The following ZFHX2 variants were observed in gnomAD, a reference collection of about 807,000 sequenced individuals.
ZFHX2 encodes the protein zinc finger homeobox 2.
In ZFHX2, 75 loss-of-function variants were observed where a neutral mutation model predicts 164.8. The ratio of observed to expected loss-of-function variants is 0.46; its 90% CI spans 0.38 to 0.55. The LOEUF is 0.55. Ranked by LOEUF, ZFHX2 falls within the 20% of genes least tolerant of loss-of-function variation. The pLI is 0.00. For missense variants in ZFHX2, 2,933 were observed against 3,308.0 expected (o/e 0.89, Z 2.78); for synonymous variants, 1,217 against 1,351.4 (o/e 0.90, Z 2.18).
At position 23,533,102 on chromosome 14, in the gene ZFHX2, A is replaced by T. The variant is rs990135834; in HGVS notation, c.2042-18T>A. ...TCCAGGGGCTAGAGGACAGAGACAGATTAGTGGCCCAAGAAAGAAATGGGG... is the reference window on the plus strand; with the variant it reads ...TCCAGGGGCTAGAGGACAGAGACAGTTTAGTGGCCCAAGAAAGAAATGGGG... On this transcript the variant is annotated intron_variant, in intron 2 of 9. Transcript: ENST00000419474. This position sits in a 1 kb window ranked among gnomAD's most constrained non-coding sequence, Gnocchi z 4.8. 14 of 1,494,932 alleles carry T rather than the reference A, an allele frequency of 9.4e-6. No individual in the cohort carries two copies. The African/African-American group carries it at 1.7e-4, about 18-fold the overall frequency. The allele number at this position is 1,494,932 out of a possible 1,614,324, so 92.6% of individuals were successfully genotyped here.
At chr14:23,539,132 C>T (rs1303501176) in intron 1 of ZFHX2, among the ~76,000 whole-genome samples, 1 of 152,102 alleles carries the variant, frequency 6.6e-6, no homozygotes, top group East Asian at 1.9e-4. Context: ...TCCCCTAATG[C>T]ACTGTTTCGT....
chr14:23,554,957 A>T (rs914343556), upstream of ZFHX2, among the ~76,000 whole-genome samples: 1 of 152,132 alleles, frequency 6.6e-6, no homozygotes, highest in African/African-American at 2.4e-5. Context: ...CTCCCAAAGC[A>T]TTCAAAGGGC....
chr14:23,523,086 A>T lies in ZFHX2; in HGVS notation c.6739+117T>A. ...CTCCCTTCTTTCCCCCAAGAGCCTG[A>T]TGCAAAGGAAGGCCACAGGAGATTG... On this transcript the variant is annotated intron_variant, in intron 9 of 9. Coordinates refer to ENST00000419474, the MANE Select transcript of ZFHX2 (RefSeq NM_033400.3). The surrounding 1 kb of genome is among the most constrained non-coding windows in gnomAD (Gnocchi z 4.1). The T allele has an allele frequency of 7.1e-7, 1 of 1,402,650 alleles. No homozygotes were observed. Among genetic ancestry groups the T allele is most frequent in the Non-Finnish European group, 9.2e-7 (1 of 1,083,206 alleles). 86.9% of individuals were successfully genotyped at this position (1,402,650 alleles called of 1,614,324 possible).
At chr14:23,540,045 T>C (rs1367115916) in intron 1 of ZFHX2, among the ~76,000 whole-genome samples, 2 of 152,246 alleles carry the variant, frequency 1.3e-5, no homozygotes, top group Non-Finnish European at 1.5e-5. Flanking sequence ...TGGAGTGCAG[T>C]GTCACCATCT....
rs1208141585 is a variant in ZFHX2 at position 23,532,769 on chromosome 14, T to A, written c.2357A>T (p.Tyr786Phe). The change falls in exon 3 of 10, where the codon TAC becomes TTC. Residue 786 changes from tyrosine to phenylalanine, a missense_variant. Coordinates refer to ENST00000419474, the MANE Select transcript of ZFHX2 (RefSeq NM_033400.3). ...CTCCCGCAGGTGGGCTGCCAGCTGG[T>A]ACTTCTGAGCATGTTTGTCAGTCTT... Reference protein sequence around the residue: ...HLKTDKHAQKYQLAAHLREGG... With the variant: ...HLKTDKHAQKFQLAAHLREGG... 1 of 1,536,278 alleles carries A rather than the reference T, an allele frequency of 6.5e-7. No individual in the cohort carries two copies. The highest frequency in any genetic ancestry group is 8.7e-7 in the Non-Finnish European group (1 of 1,146,938).
At chr14:23,539,011 A>G (rs537446844) in intron 1 of ZFHX2, among the ~76,000 whole-genome samples, 2 of 152,244 alleles carry the variant, frequency 1.3e-5, no homozygotes, top group South Asian at 4.2e-4. Context: ...GCCTGGAGCC[A>G]AGGGAGGGCG....
At chr14:23,549,997 G>GA (rs1043190180) in intron 1 of ZFHX2, among the ~76,000 whole-genome samples, 1 of 152,008 alleles carries the variant, frequency 6.6e-6, no homozygotes, top group Admixed American at 6.5e-5. Flanking sequence ...GAAACAGATG[G>GA]AAAAAAGGGG....
intron 1 of ZFHX2, among the ~76,000 whole-genome samples, chr14:23,544,552 T>A (rs575330453): frequency 6.6e-6 from 1 of 152,188 alleles, no homozygotes; most frequent in East Asian, 1.9e-4. Context: ...AGGCCCTCCA[T>A]GTACACGTGT....
At chr14:23,532,245 C>A in intron 3 of ZFHX2, 1 of 251,410 alleles carries the variant, frequency 4.0e-6, no homozygotes. Flanking sequence ...GACTCCCTCC[C>A]AGCATGCAAA....
In ZFHX2 at chr14:23,546,597, C is replaced by T. The variant is rs192077796; in HGVS notation, c.-50+4746G>A. Among the ~76,000 whole-genome samples the T allele has an allele frequency of 6.6e-6, 1 of 152,120 alleles. No individual in the cohort carries two copies. The highest frequency in any genetic ancestry group is 1.5e-5 in the Non-Finnish European group (1 of 68,018). ...CTGGAAGTTACTTCTAAATCTTTCA[C>T]CCCTGCCTTGCCAGCCTGGGGAGGA... On this transcript the variant is annotated intron_variant, in intron 1 of 9. Coordinates refer to ENST00000419474, the MANE Select transcript of ZFHX2 (RefSeq NM_033400.3). The surrounding 1 kb of genome is among the most constrained non-coding windows in gnomAD (Gnocchi z 4.7).
chr14:23,530,049 C>T, intron 5 of ZFHX2, 71 bp downstream of exon 5: 2 of 1,383,614 alleles, frequency 1.4e-6, no homozygotes, highest in Non-Finnish European at 2.0e-6. Flanking sequence ...TGCTGGGCTC[C>T]TGGATTACTG....
At position 23,525,904 on chromosome 14, in the gene ZFHX2, G is replaced by T. The variant is rs988358304; in HGVS notation, c.4038C>A (p.Pro1346=). The T allele has an allele frequency of 1.4e-6, 2 of 1,467,836 alleles. No individual in the cohort carries two copies. Among genetic ancestry groups the T allele is most frequent in the Admixed American group, 2.4e-5 (1 of 41,840 alleles). The allele number at this position is 1,467,836 out of a possible 1,614,324, so 90.9% of individuals were successfully genotyped here. The change falls in exon 9 of 10, where the codon CCC becomes CCA. Residue 1346 remains proline (P), a synonymous_variant. Transcript: ENST00000419474. This position sits in a 1 kb window ranked among gnomAD's most constrained non-coding sequence, Gnocchi z 5.9. ...PAPLFTPPVL[P]PFPLVPESLL... ...GTGATTCGGGCACCAGAGGGAAGGG[G>T]GGCAGGACTGGTGGGGTGAAGAGAG...
At position 23,525,513 on chromosome 14, in the gene ZFHX2, C is replaced by G; in HGVS notation, c.4429G>C (p.Gly1477Arg). The change falls in exon 9 of 10, where the codon GGG becomes CGG. Residue 1477 changes from glycine (G) to arginine (R), a missense_variant. Physicochemically the swap from Gly to Arg is moderately radical, Grantham distance 125. Coordinates refer to ENST00000419474, the MANE Select transcript of ZFHX2 (RefSeq NM_033400.3). This position sits in a 1 kb window ranked among gnomAD's most constrained non-coding sequence, Gnocchi z 5.9. ...CAGGCCCCACAGGCCAGCTTGTCCC[C>G]ACCCCCGAGGGCCTCAGGTGGGGGT... ...TPPPPEALGG[G>R]DKLACGACGK... 1 of 1,535,744 alleles carries G rather than the reference C, an allele frequency of 6.5e-7. No homozygotes were observed.
upstream of ZFHX2, among the ~76,000 whole-genome samples, chr14:23,553,618 G>C (rs1180447456): frequency 6.6e-6 from 1 of 151,612 alleles, no homozygotes; most frequent in Non-Finnish European, 1.5e-5. Flanking sequence ...AAACAGGCCG[G>C]GCGTGGTGGC....
At chr14:23,528,216 C>G (rs1460314809) in intron 6 of ZFHX2, among the ~76,000 whole-genome samples, 1 of 152,196 alleles carries the variant, frequency 6.6e-6, no homozygotes, top group African/African-American at 2.4e-5. Context: ...GCCTCTCACT[C>G]CTAATTGAAG....
chr14:23,555,883 A>G (rs1882324292), upstream of ZFHX2: 1 of 152,212 alleles, frequency 6.6e-6, no homozygotes, highest in African/African-American at 2.4e-5. Context: ...TTGTAGCCCC[A>G]GTTCAGCTTT....
chr14:23,532,749 G>C lies in ZFHX2; in HGVS notation c.2377C>G (p.Arg793Gly). ...AQKYQLAAHLREGGGAMGTPS... is the reference protein window; with the variant it reads ...AQKYQLAAHLGEGGGAMGTPS... ...GTGCCCATGGCTCCACCCCCCTCCC[G>C]CAGGTGGGCTGCCAGCTGGTACTTC... is the stretch of plus-strand genomic sequence containing the variant. Residue 793 changes from arginine (R) to glycine (G), a missense_variant, in exon 3 of 10, where the codon CGG (arginine) becomes GGG (glycine). Arg to Gly is a moderately radical substitution (Grantham distance 125). Transcript: ENST00000419474. The C allele has an allele frequency of 6.5e-7, 1 of 1,536,126 alleles. No homozygotes were observed.
Position 23,534,411 on chromosome 14 carries a change from G to A in ZFHX2, c.915C>T (p.Pro305=), listed in dbSNP as rs774469373. 1 of 1,536,824 alleles carries A rather than the reference G, an allele frequency of 6.5e-7. No homozygotes were observed. The highest frequency in any genetic ancestry group is 8.7e-7 in the Non-Finnish European group (1 of 1,147,046). The change falls in exon 2 of 10, where the codon CCC becomes CCT. Residue 305 remains proline (P), a synonymous_variant. Coordinates refer to ENST00000419474, the MANE Select transcript of ZFHX2 (RefSeq NM_033400.3). This position sits in a 1 kb window ranked among gnomAD's most constrained non-coding sequence, Gnocchi z 4.5. ...KLPARPSSDI[P]LDNSSTVNME... Reference sequence around the variant, plus strand: ...TGTTCACTGTGCTGCTGTTGTCAAGGGGTATGTCAGAAGAGGGGCGAGCAG... The same window carrying A: ...TGTTCACTGTGCTGCTGTTGTCAAGAGGTATGTCAGAAGAGGGGCGAGCAG...
intron 1 of ZFHX2, among the ~76,000 whole-genome samples, chr14:23,550,913 C>G (rs534666573): frequency 1.3e-5 from 2 of 152,114 alleles, no homozygotes; most frequent in African/African-American, 4.8e-5. Context: ...CCGCCGAGAC[C>G]CAGGACCCTC....
Sources: allele counts gnomAD v4.1 joint callset (sites outside exome capture counted in the v4.1 genomes callset), GRCh38; gene constraint gnomAD v4.1.1; non-coding constraint Gnocchi (gnomAD v3.1); transcripts MANE v1.5; gene names NCBI Gene and HGNC (gene_info 2026-07-23, HGNC 2026-07-21).